Variants in NHSL1 observed in about 807,000 individuals in gnomAD.
NHSL1 encodes NHS-like protein 1.
Under a neutral mutation model 95.0 loss-of-function variants are expected in NHSL1, and 48 were observed. That is an observed-to-expected ratio of 0.51 (90% CI 0.40 to 0.64). The LOEUF (loss-of-function observed/expected upper bound fraction) is 0.64. Among genes scored for constraint, NHSL1 ranks in the 30% least tolerant of loss-of-function variants. The pLI is 0.00. For missense variants in NHSL1, 1,971 were observed against 2,077.7 expected, an observed-to-expected ratio of 0.95 and a Z score of 1.00; for synonymous variants, 783 against 833.9, an observed-to-expected ratio of 0.94 and a Z score of 1.05.
At chr6:138,617,993 G>A (rs1338396062) in intron 1 of NHSL1, among the ~76,000 whole-genome samples, 1 of 152,322 alleles carries the variant, frequency 6.6e-6, no homozygotes. Context: ...GGACAGCTAA[G>A]AAGAAGTGTC....
chr6:138,685,291 G>C (rs1303880610), intron 1 of NHSL1, among the ~76,000 whole-genome samples: 1 of 152,174 alleles, frequency 6.6e-6, no homozygotes, highest in Non-Finnish European at 1.5e-5. Flanking sequence ...TCAATGAGGA[G>C]ACTGATGTTT....
intron 1 of NHSL1, among the ~76,000 whole-genome samples, chr6:138,509,940 T>TA (rs1450751437): frequency 2.0e-5 from 3 of 152,112 alleles, no homozygotes; most frequent in African/African-American, 2.4e-5. Flanking sequence ...AACCAAAAGG[T>TA]AAAGCCTTAC....
At chr6:138,650,314 A>G (rs1785073747) in intron 1 of NHSL1, 3 of 796,148 alleles carry the variant, frequency 3.8e-6, no homozygotes, top group Admixed American at 1.8e-5. Flanking sequence ...TACTTCCAGC[A>G]GTGAATCCAG....
intron 3 of NHSL1, among the ~76,000 whole-genome samples, chr6:138,472,892 GTTC>G (rs1483821863): frequency 1.3e-5 from 2 of 152,162 alleles, no homozygotes; most frequent in South Asian, 2.1e-4. Context: ...TATGATCAGA[GTTC>G]TTCTTTGTCA....
intron 2 of NHSL1, among the ~76,000 whole-genome samples, chr6:138,486,905 G>A (rs1002082793): frequency 8.5e-5 from 13 of 152,306 alleles, no homozygotes; most frequent in Admixed American, 7.8e-4. Flanking sequence ...AGGTAGAAAA[G>A]GACTTCCTGG....
chr6:138,614,526 T>C (rs1784553696), intron 1 of NHSL1, among the ~76,000 whole-genome samples: 1 of 152,252 alleles, frequency 6.6e-6, no homozygotes, highest in Non-Finnish European at 1.5e-5. Context: ...AAGCAGGCCT[T>C]GTTCTAAGTA....
At chr6:138,488,791 C>T (rs1779867420) in intron 2 of NHSL1, among the ~76,000 whole-genome samples, 1 of 152,152 alleles carries the variant, frequency 6.6e-6, no homozygotes, top group Admixed American at 6.5e-5. Context: ...TGGAGGGCAG[C>T]TGAAAGGGCA....
intron 1 of NHSL1, among the ~76,000 whole-genome samples, chr6:138,632,660 G>A (rs1269666744): frequency 6.6e-6 from 1 of 152,156 alleles, no homozygotes. Flanking sequence ...TACTGGGCTT[G>A]GTATGCCCCC....
chr6:138,679,693 G>A (rs1223570783), intron 1 of NHSL1, among the ~76,000 whole-genome samples: 1 of 152,098 alleles, frequency 6.6e-6, no homozygotes, highest in African/African-American at 2.4e-5. Context: ...GACCCCTGAG[G>A]ACATCAAAAG....
chr6:138,511,360 A>G (rs1489493980), intron 1 of NHSL1, among the ~76,000 whole-genome samples: 1 of 152,032 alleles, frequency 6.6e-6, no homozygotes, highest in Non-Finnish European at 1.5e-5. Context: ...TAAAGAAAAA[A>G]GGTGAGGTAG....
chr6:138,482,496 AC>A (rs540312885), intron 2 of NHSL1, among the ~76,000 whole-genome samples: 121 of 151,018 alleles, frequency 8.0e-4, no homozygotes, highest in Non-Finnish European at 1.4e-3. Context: ...GACTTATACC[AC>A]CAGAAAGTTG....
At chr6:138,679,648 T>C (rs1011603008) in intron 1 of NHSL1, among the ~76,000 whole-genome samples, 1 of 152,144 alleles carries the variant, frequency 6.6e-6, no homozygotes, top group Admixed American at 6.5e-5. Context: ...AATAACAAAC[T>C]TCTGTCCACT....
chr6:138,563,390 G>A (rs1424792466), intron 1 of NHSL1, among the ~76,000 whole-genome samples: 1 of 152,106 alleles, frequency 6.6e-6, no homozygotes, highest in Non-Finnish European at 1.5e-5. Flanking sequence ...GAAGGATTAC[G>A]TAAAGGAAGT....
chr6:138,670,271 T>C (rs970705665), intron 1 of NHSL1, among the ~76,000 whole-genome samples: 1 of 150,486 alleles, frequency 6.6e-6, no homozygotes, highest in African/African-American at 2.5e-5. Flanking sequence ...CTTACATGAA[T>C]AGAGACAGCC....
At chr6:138,539,541 C>T (rs954730431) in intron 1 of NHSL1, among the ~76,000 whole-genome samples, 13 of 152,102 alleles carry the variant, frequency 8.5e-5, no homozygotes, top group African/African-American at 3.1e-4. Flanking sequence ...TACTGCTCCC[C>T]CAATGAGCCA....
In NHSL1 at chr6:138,658,439, C is replaced by T. The variant is rs566920284; in HGVS notation, c.96+34037G>A. ...AATTCCACTTATAAGTGATATCACG[C>T]AGTATTTGACTCTATGTCTAGCTGA... is the stretch of plus-strand genomic sequence containing the variant. On this transcript the variant is annotated intron_variant, in intron 1 of 3. Transcript: ENST00000491526. Among the ~76,000 whole-genome samples the T allele has an allele frequency of 6.6e-5, 10 of 152,320 alleles. No individual in the cohort carries two copies. In the South Asian group the frequency reaches 2.1e-3, roughly 32 times the overall value.
At chr6:138,573,043 C>T (rs552300334), upstream of NHSL1, among the ~76,000 whole-genome samples, 83 of 152,330 alleles carry the variant, frequency 5.4e-4, 2 homozygotes, top group African/African-American at 2.0e-3. Flanking sequence ...CTGCCTGTCA[C>T]CAGCAGCCAG....
At chr6:138,590,307 C>T (rs1242443508) in intron 1 of NHSL1, among the ~76,000 whole-genome samples, 1 of 152,118 alleles carries the variant, frequency 6.6e-6, no homozygotes, top group Non-Finnish European at 1.5e-5. Flanking sequence ...CTACTCATAC[C>T]TTTCATGTTG....
intron 3 of NHSL1, among the ~76,000 whole-genome samples, chr6:138,458,401 G>A (rs1162405182): frequency 6.6e-6 from 1 of 152,076 alleles, no homozygotes; most frequent in East Asian, 1.9e-4. Flanking sequence ...ATCCCCCAAA[G>A]TAGCCTCAGA....
Sources: allele counts gnomAD v4.1 joint callset (sites outside exome capture counted in the v4.1 genomes callset), GRCh38; gene constraint gnomAD v4.1.1; transcripts MANE v1.5; gene names NCBI Gene and HGNC (gene_info 2026-07-23, HGNC 2026-07-21).